CPNE6: variants seen among roughly 807,000 people sequenced by gnomAD.
CPNE6 encodes copine-6.
CPNE6 carries 33 observed loss-of-function variants against 71.5 expected under a neutral mutation model. The ratio of observed to expected loss-of-function variants is 0.46; its 90% CI spans 0.35 to 0.62. CPNE6 has a LOEUF of 0.62. CPNE6 is among the 20% of genes least tolerant of loss of function. The probability of loss-of-function intolerance (pLI) is 0.00; values close to 1 mark genes in which losing one functional copy is unlikely to be tolerated. For synonymous variants in CPNE6, 296 were observed against 293.0 expected (o/e 1.01, Z -0.10); for missense variants, 576 against 747.3 (o/e 0.77, Z 2.67).
At position 24,075,659 on chromosome 14, in the gene CPNE6, C is replaced by T. The variant is rs2036038530; in HGVS notation, c.864+68C>T. The T allele has an allele frequency of 4.4e-5, 64 of 1,444,466 alleles. No individual in the cohort carries two copies. The highest frequency in any genetic ancestry group is 6.0e-5 in the Non-Finnish European group (63 of 1,043,460). 89.5% of individuals were successfully genotyped at this position (1,444,466 alleles called of 1,614,324 possible). A position where few individuals can be genotyped will look rare whatever the true frequency, so the allele number is the denominator to read the frequency against. On this transcript the variant is annotated intron_variant, in intron 10 of 17. Coordinates refer to ENST00000397016, the Ensembl canonical transcript of CPNE6. The surrounding 1 kb of genome is among the most constrained non-coding windows in gnomAD (Gnocchi z 4.3). The stretch of plus-strand genomic sequence containing the variant: ...CCCTACCACACTCTCAGGTTCAACC[C>T]TTCCCTTGTTTCAAAGACCAGTTTC...
rs761676702 is a variant in CPNE6 at position 24,074,806 on chromosome 14, A to C, written c.672+11A>C. 4 of 1,607,040 alleles carry C rather than the reference A, an allele frequency of 2.5e-6. No homozygotes were observed. The Admixed American group carries it at 6.8e-5, about 27-fold the overall frequency. ...CACCGACCTCTCAAGGTGAAGTCCCAGCCAAGCCAGCACAGCCTACTTAGA... is the reference window on the plus strand; with the variant it reads ...CACCGACCTCTCAAGGTGAAGTCCCCGCCAAGCCAGCACAGCCTACTTAGA... On this transcript the variant is annotated intron_variant, in intron 8 of 17. Transcript: ENST00000397016. The surrounding 1 kb of genome is among the most constrained non-coding windows in gnomAD (Gnocchi z 4.5).
intron 2 of CPNE6, chr14:24,072,067 C>G (rs1471176027): frequency 5.9e-6 from 1 of 168,514 alleles, no homozygotes; most frequent in Non-Finnish European, 1.3e-5. Context: ...GAGATCTGTA[C>G]AGACACAGAT....
rs745642329 is a variant in CPNE6, at chr14:24,075,609, C to T, written c.864+18C>T. The T allele has an allele frequency of 6.3e-7, 1 of 1,591,492 alleles. No homozygotes were observed. The highest frequency in any genetic ancestry group is 8.6e-7 in the Non-Finnish European group (1 of 1,165,324). On this transcript the variant is annotated intron_variant, in intron 10 of 17. Coordinates refer to ENST00000397016, the Ensembl canonical transcript of CPNE6. The surrounding 1 kb of genome is among the most constrained non-coding windows in gnomAD (Gnocchi z 4.3). ...AGTGCACGGTAAATTTCACTTCCTG[C>T]TTCAAGCCTTGCCCCAGCCCCTGCC...
At chr14:24,071,682 C>CCAGCT (rs1410958463) in intron 2 of CPNE6, 41 bp downstream of exon 1, 7 of 719,198 alleles carry the variant, frequency 9.7e-6, no homozygotes. Context: ...CCAGCCCAGC[C>CCAGCT]CAGCTTGGCC....
chr14:24,078,022 C>T (rs1471545005), exon 18 of CPNE6: 11 of 319,072 alleles, frequency 3.4e-5, no homozygotes, highest in Non-Finnish European at 5.7e-5. Flanking sequence ...AATGCTGTGG[C>T]CCCTCAGTGA....
chr14:24,071,286 T>G, intron 1 of CPNE6: 1 of 1,328,960 alleles, frequency 7.5e-7, no homozygotes, highest in Non-Finnish European at 1.0e-6. Context: ...TGAATGTGTA[T>G]GTGCATGCCA....
At position 24,077,007 on chromosome 14, in the gene CPNE6, G is replaced by C. The variant is rs1269033675; in HGVS notation, c.1294G>C (p.Ala432Pro). Residue 432 changes from alanine (A) to proline (P), a missense_variant, in exon 15 of 18, where the codon GCC (alanine) becomes CCC (proline). Ala to Pro is a conservative substitution (Grantham distance 27, BLOSUM62 -1). This residue lies in a region of CPNE6 where 264 missense variants were observed against 339.9 expected (regional missense o/e 0.78). Transcript: ENST00000397016. The surrounding 1 kb of genome is among the most constrained non-coding windows in gnomAD (Gnocchi z 6.1). ...CCAGCGGGAGCAGAGCACCGGCCAAGCCACGGTAGGAAGACATGGCGGGCA... is the reference window on the plus strand; with the variant it reads ...CCAGCGGGAGCAGAGCACCGGCCAACCCACGGTAGGAAGACATGGCGGGCA... The C allele has an allele frequency of 1.2e-6, 2 of 1,610,096 alleles. No homozygotes were observed. Among genetic ancestry groups the C allele is most frequent in the African/African-American group, 2.7e-5 (2 of 74,938 alleles).
chr14:24,071,500 C>CA (rs1418481165), intron 1 of CPNE6, 62 bp from the exon 1 acceptor site: 1 of 1,470,862 alleles, frequency 6.8e-7, no homozygotes, highest in African/African-American at 1.5e-5. Flanking sequence ...GCTGGTGCTG[C>CA]GCCCCCCCCC....
intron 1 of CPNE6, 61 bp from the exon 1 acceptor site, chr14:24,071,501 G>GCGGCCCCCCC: frequency 3.5e-6 from 5 of 1,416,702 alleles, no homozygotes; most frequent in Non-Finnish European, 4.7e-6. Context: ...CTGGTGCTGC[G>GCGGCCCCCCC]CCCCCCCCCA....
At position 24,073,905 on chromosome 14, in the gene CPNE6, A is replaced by T; in HGVS notation, c.349-146A>T. On this transcript the variant is annotated intron_variant, in intron 4 of 17. Coordinates refer to ENST00000397016, the Ensembl canonical transcript of CPNE6. The surrounding 1 kb of genome is among the most constrained non-coding windows in gnomAD (Gnocchi z 5.5). ...GTGGTCAGAGTGCTTCCCTCTTCAG[A>T]CTATTGTAAAAATTGAGCCCAACCC... 1 of 847,746 alleles carries T rather than the reference A, an allele frequency of 1.2e-6. No homozygotes were observed. Among genetic ancestry groups the T allele is most frequent in the Non-Finnish European group, 1.9e-6 (1 of 519,296 alleles). 52.5% of individuals were successfully genotyped at this position (847,746 alleles called of 1,614,324 possible).
chr14:24,076,275 T>C, exon 12 of CPNE6: 1 of 1,614,204 alleles, frequency 6.2e-7, no homozygotes, highest in Non-Finnish European at 8.5e-7. Context: ...CTGCCAGGAC[T>C]ATGACAGGTA....
At position 24,075,289 on chromosome 14, in the gene CPNE6, C is replaced by A; in HGVS notation, c.777+13C>A. The A allele has an allele frequency of 6.2e-7, 1 of 1,601,890 alleles. No individual in the cohort carries two copies. The highest frequency in any genetic ancestry group is 8.6e-7 in the Non-Finnish European group (1 of 1,168,878). On this transcript the variant is annotated intron_variant, in intron 9 of 17. Coordinates refer to ENST00000397016, the Ensembl canonical transcript of CPNE6. This position sits in a 1 kb window ranked among gnomAD's most constrained non-coding sequence, Gnocchi z 4.3. The stretch of plus-strand genomic sequence containing the variant: ...CCCTGGGCAGGAGGTGCCACAAATA[C>A]CCCACCCCCAGAATCCCACCCAGAT...
In CPNE6 at chr14:24,073,747, G is replaced by C; in HGVS notation, c.348+69G>C. 1.3e-6 allele frequency: 2 copies of C among 1,517,946 alleles called. No homozygotes were observed. Among genetic ancestry groups the C allele is most frequent in the Non-Finnish European group, 1.8e-6 (2 of 1,122,950 alleles). The allele number at this position is 1,517,946 out of a possible 1,614,324, so 94.0% of individuals were successfully genotyped here. A position where few individuals can be genotyped will look rare whatever the true frequency, so the allele number is the denominator to read the frequency against. ...CAGCTTTGCCTCTGGAAGCCAAAAA[G>C]AGAGAAAACATGAGCTCTAGAGCTA... On this transcript the variant is annotated intron_variant, in intron 4 of 17. Transcript: ENST00000397016. The surrounding 1 kb of genome is among the most constrained non-coding windows in gnomAD (Gnocchi z 5.5).
Position 24,075,378 on chromosome 14 carries a change from T to A in CPNE6, c.777+102T>A. 1 of 1,387,844 alleles carries A rather than the reference T, an allele frequency of 7.2e-7. No homozygotes were observed. Among genetic ancestry groups the A allele is most frequent in the East Asian group, 2.3e-5 (1 of 43,678 alleles). The allele number at this position is 1,387,844 out of a possible 1,614,324, so 86.0% of individuals were successfully genotyped here. A position where few individuals can be genotyped will look rare whatever the true frequency, so the allele number is the denominator to read the frequency against. On this transcript the variant is annotated intron_variant, in intron 9 of 17. Transcript: ENST00000397016. This position sits in a 1 kb window ranked among gnomAD's most constrained non-coding sequence, Gnocchi z 4.3. ...CATAGGTGATAGGAAGTGGAGAGGG[T>A]GGAAAGCACCTGGGCTCAGCTGAAG...
At chr14:24,071,117 T>G in intron 1 of CPNE6, 1 of 1,352,592 alleles carries the variant, frequency 7.4e-7, no homozygotes. Context: ...GTAACAATGT[T>G]GAAAGTGATG....
Position 24,073,875 on chromosome 14 carries a change from G to A in CPNE6, c.349-176G>A, listed in dbSNP as rs1201979849. Among the ~76,000 whole-genome samples the A allele has an allele frequency of 2.0e-5, 3 of 152,186 alleles. No homozygotes were observed. The highest frequency in any genetic ancestry group is 7.2e-5 in the African/African-American group (3 of 41,438). ...TCTTAGTTTTCCTATCTAAAAAATG[G>A]AGGAGTGGTCAGAGTGCTTCCCTCT... is the stretch of plus-strand genomic sequence containing the variant. On this transcript the variant is annotated intron_variant, in intron 4 of 17. Transcript: ENST00000397016. The surrounding 1 kb of genome is among the most constrained non-coding windows in gnomAD (Gnocchi z 5.5).
In CPNE6 at chr14:24,075,283, C is replaced by G; in HGVS notation, c.777+7C>G. On this transcript the variant is annotated splice_region_variant and intron_variant, in intron 9 of 17. Transcript: ENST00000397016. The surrounding 1 kb of genome is among the most constrained non-coding windows in gnomAD (Gnocchi z 4.3). Reference sequence around the variant, plus strand: ...GGCAAACCCTGGGCAGGAGGTGCCACAAATACCCCACCCCCAGAATCCCAC... The same window carrying G: ...GGCAAACCCTGGGCAGGAGGTGCCAGAAATACCCCACCCCCAGAATCCCAC... 6.2e-7 allele frequency: 1 copy of G among 1,608,440 alleles called. No individual in the cohort carries two copies. The highest frequency in any genetic ancestry group is 1.1e-5 in the South Asian group (1 of 90,960).
chr14:24,074,172 C>T lies in CPNE6; in HGVS notation c.423+47C>T, dbSNP rs777612727. 6.3e-6 allele frequency: 10 copies of T among 1,594,608 alleles called. No homozygotes were observed. Among genetic ancestry groups the T allele is most frequent in the South Asian group, 4.4e-5 (4 of 90,640 alleles). On this transcript the variant is annotated intron_variant, in intron 5 of 17. Coordinates refer to ENST00000397016, the Ensembl canonical transcript of CPNE6. This position sits in a 1 kb window ranked among gnomAD's most constrained non-coding sequence, Gnocchi z 4.5. ...CACCCTTGGTCCAGGTATTCAATGC[C>T]CCTGCATGGACACCTATGGTGACAT...
Position 24,071,550 on chromosome 14 carries a change from G to A in CPNE6, c.-96G>A, listed in dbSNP as rs934230751. On this transcript the variant is annotated 5_prime_UTR_variant, in exon 2 of 18. Coordinates refer to ENST00000397016, the Ensembl canonical transcript of CPNE6. ...AGGCCCCATAAATAGCAGCAGAGCCGGAGCTGGAGCCGGCGCCAGCGGCTG... is the reference window on the plus strand; with the variant it reads ...AGGCCCCATAAATAGCAGCAGAGCCAGAGCTGGAGCCGGCGCCAGCGGCTG... The A allele has an allele frequency of 5.1e-5, 63 of 1,224,952 alleles. 1 individual carries two copies. The Admixed American group carries it at 8.2e-4, about 16-fold the overall frequency. The allele number at this position is 1,224,952 out of a possible 1,614,324, so 75.9% of individuals were successfully genotyped here. A position where few individuals can be genotyped will look rare whatever the true frequency, so the allele number is the denominator to read the frequency against.
Sources: allele counts gnomAD v4.1 joint callset (sites outside exome capture counted in the v4.1 genomes callset), GRCh38; gene constraint gnomAD v4.1.1; regional missense constraint gnomAD v4.1.1; non-coding constraint Gnocchi (gnomAD v3.1); transcripts MANE v1.5; gene names NCBI Gene and HGNC (gene_info 2026-07-23, HGNC 2026-07-21).